VAMP7: variants seen among roughly 807,000 people sequenced by gnomAD.
VAMP7 encodes the protein vesicle-associated membrane protein 7.
VAMP7 carries 14 observed loss-of-function variants against 29.6 expected under a neutral mutation model. The ratio of observed to expected loss-of-function variants is 0.47; its 90% confidence interval spans 0.31 to 0.74. VAMP7 has a LOEUF of 0.74. Ranked by LOEUF, VAMP7 falls within the 30% of genes least tolerant of loss-of-function variation. VAMP7 has a pLI of 0.05. For synonymous variants in VAMP7, 95 were observed against 88.1 expected (o/e 1.08, Z -0.44); for missense variants, 223 against 262.4 (o/e 0.85, Z 1.04).
chrX:155,915,256 C>T (rs4390103), intron 5 of VAMP7, among the ~76,000 whole-genome samples: 84,034 of 151,816 alleles, frequency 0.55, 23,542 homozygotes, highest in East Asian at 0.67. Context: ...TCTCTCTTTT[C>T]TCCTTTATTA....
chrX:155,918,246 C>T lies in VAMP7; in HGVS notation c.434-1567C>T, dbSNP rs149658184. On this transcript the variant is annotated intron_variant, in intron 5 of 7. Transcript: ENST00000286448. ...CAGTGGATCTTAGCCTGCTGGGCTC[C>T]GTGGGGGTGGAATATACTGAGCTAG... 2.2e-3 allele frequency among the ~76,000 whole-genome samples: 338 copies of T among 151,832 alleles called. 3 individuals carry two copies. Among genetic ancestry groups the T allele is most frequent in the African/African-American group, 7.6e-3 (313 of 41,406 alleles).
chrX:155,905,002 G>A (rs1278161198), intron 5 of VAMP7, among the ~76,000 whole-genome samples: 1 of 151,158 alleles, frequency 6.6e-6, no homozygotes, highest in Non-Finnish European at 1.5e-5. Flanking sequence ...TTGAAGAAGG[G>A]CCAAACTTTC....
At chrX:155,890,090 G>A (rs574060663) in intron 2 of VAMP7, among the ~76,000 whole-genome samples, 1 of 152,096 alleles carries the variant, frequency 6.6e-6, no homozygotes. Flanking sequence ...GGAAGTAGTA[G>A]ATAGGAGAAT....
intron 5 of VAMP7, among the ~76,000 whole-genome samples, chrX:155,908,134 G>T (rs1484212207): frequency 6.6e-6 from 1 of 152,154 alleles, no homozygotes; most frequent in Non-Finnish European, 1.5e-5. Flanking sequence ...AGGCAGAGAC[G>T]CTCCTCACTT....
intron 6 of VAMP7, among the ~76,000 whole-genome samples, chrX:155,934,875 A>G (rs1224260527): frequency 2.2e-5 from 2 of 89,866 alleles, no homozygotes; most frequent in Admixed American, 2.1e-4. Flanking sequence ...TTCCTTCAGG[A>G]GCTCTTGTAA....
intron 5 of VAMP7, among the ~76,000 whole-genome samples, chrX:155,906,574 A>G (rs949276975): frequency 1.3e-5 from 2 of 152,056 alleles, no homozygotes; most frequent in African/African-American, 4.8e-5. Flanking sequence ...GTATTTTTTT[A>G]TGCTATTGTA....
intron 5 of VAMP7, among the ~76,000 whole-genome samples, chrX:155,908,477 G>A (rs1042781089): frequency 1.1e-4 from 16 of 152,234 alleles, no homozygotes; most frequent in South Asian, 1.0e-3. Flanking sequence ...GCAGTGAGCC[G>A]AGATAGCAGT....
intron 2 of VAMP7, among the ~76,000 whole-genome samples, chrX:155,891,526 G>T (rs1000569856): frequency 6.6e-6 from 1 of 152,124 alleles, no homozygotes; most frequent in Non-Finnish European, 1.5e-5. Context: ...AGTAGACAAT[G>T]GTGAAATAAG....
chrX:155,929,372 T>C (rs1490210755), intron 6 of VAMP7, among the ~76,000 whole-genome samples: 1 of 152,200 alleles, frequency 6.6e-6, no homozygotes. Context: ...CATTGTCCTT[T>C]GTATCACAAA....
At chrX:155,912,400 G>A (rs1030466011) in intron 5 of VAMP7, among the ~76,000 whole-genome samples, 6 of 151,976 alleles carry the variant, frequency 3.9e-5, no homozygotes, top group African/African-American at 1.5e-4. Context: ...TGGGATACAT[G>A]TGCAGAATGT....
chrX:155,939,601 C>T, intron 6 of VAMP7, 100 bp from the exon 7 acceptor site: 1 of 885,872 alleles, frequency 1.1e-6, no homozygotes, highest in Non-Finnish European at 1.9e-6. Context: ...GGTCATTGGA[C>T]TTAAATGGAA....
chrX:155,908,874 T>G (rs1352936379), intron 5 of VAMP7, among the ~76,000 whole-genome samples: 2 of 151,976 alleles, frequency 1.3e-5, no homozygotes, highest in Non-Finnish European at 1.5e-5. Context: ...TCCTCTTTCA[T>G]TCCCTTGGTG....
At chrX:155,940,558 G>A (rs1423990775) in intron 7 of VAMP7, among the ~76,000 whole-genome samples, 5 of 152,068 alleles carry the variant, frequency 3.3e-5, no homozygotes, top group Non-Finnish European at 7.4e-5. Flanking sequence ...TTATTATTTG[G>A]TCTGGGAGTT....
chrX:155,888,019 A>G (rs1431087126), intron 1 of VAMP7, among the ~76,000 whole-genome samples: 4 of 151,730 alleles, frequency 2.6e-5, no homozygotes, highest in African/African-American at 9.7e-5. Flanking sequence ...ATAAAGTATA[A>G]GACAGCAATT....
intron 1 of VAMP7, among the ~76,000 whole-genome samples, chrX:155,883,707 C>CTTTT (rs766827269): frequency 9.6e-5 from 12 of 125,504 alleles, no homozygotes; most frequent in East Asian, 2.2e-4. Context: ...AGAAACACAT[C>CTTTT]TTTTTTTTTT....
intron 6 of VAMP7, among the ~76,000 whole-genome samples, chrX:155,928,619 C>G (rs917003823): frequency 6.6e-6 from 1 of 152,150 alleles, no homozygotes; most frequent in Non-Finnish European, 1.5e-5. Context: ...ATTTAGGGCT[C>G]ACATGGATAA....
At chrX:155,932,793 A>G (rs1390610112) in intron 6 of VAMP7, among the ~76,000 whole-genome samples, 1 of 152,166 alleles carries the variant, frequency 6.6e-6, no homozygotes, top group African/African-American at 2.4e-5. Flanking sequence ...CCAGTTTTCA[A>G]AGGGAATGCT....
intron 6 of VAMP7, among the ~76,000 whole-genome samples, chrX:155,924,251 A>T (rs188150019): frequency 9.9e-5 from 15 of 152,128 alleles, no homozygotes; most frequent in Non-Finnish European, 2.2e-4. Context: ...ACTTCAGTGG[A>T]ATTTAGTATA....
intron 6 of VAMP7, among the ~76,000 whole-genome samples, chrX:155,936,119 A>G (rs1603022219): frequency 6.6e-6 from 1 of 151,894 alleles, no homozygotes; most frequent in African/African-American, 2.4e-5. Context: ...ACTGGGGGGT[A>G]CCTCCCAGTT....
Sources: allele counts gnomAD v4.1 joint callset (sites outside exome capture counted in the v4.1 genomes callset), GRCh38; gene constraint gnomAD v4.1.1; transcripts MANE v1.5; gene names NCBI Gene and HGNC (gene_info 2026-07-23, HGNC 2026-07-21).